The following ADPGK variants were observed in gnomAD, a reference collection of about 807,000 sequenced individuals.
ADPGK encodes the protein ADP dependent glucokinase.
A neutral mutation model predicts 42.4 loss-of-function variants in ADPGK; 26 were observed. That is an observed-to-expected ratio of 0.61 (90% CI 0.45 to 0.85). The LOEUF is 0.85. ADPGK is among the 40% of genes least tolerant of loss of function. The probability of loss-of-function intolerance (pLI) is 0.00; values close to 1 mark genes in which losing one functional copy is unlikely to be tolerated. For missense variants in ADPGK, 571 were observed against 627.0 expected, an observed-to-expected ratio of 0.91 and a Z score of 0.95; for synonymous variants, 267 against 252.6, an observed-to-expected ratio of 1.06 and a Z score of -0.54.
rs962470127 is a variant in ADPGK at position 72,783,480 on chromosome 15, C to T, written c.212G>A (p.Arg71His). 9.9e-6 allele frequency: 14 copies of T among 1,409,332 alleles called. No homozygotes were observed. Among genetic ancestry groups the T allele is most frequent in the African/African-American group, 1.5e-5 (1 of 66,608 alleles). 87.3% of individuals were successfully genotyped at this position (1,409,332 alleles called of 1,614,324 possible). Reference protein sequence around the residue: ...WDALIVRPVRRWRRVAVGVNA... With the variant: ...WDALIVRPVRHWRRVAVGVNA... ...TCACCCCACTGCCACGCGGCGCCAG[C>T]GCCGGACTGGCCGCACGATAAGCGC... Residue 71 changes from arginine to histidine, a missense_variant, in exon 1 of 7, where the codon CGC (arginine) becomes CAC (histidine). Transcript: ENST00000456471.
intron 3 of ADPGK, among the ~76,000 whole-genome samples, chr15:72,761,660 T>G (rs1023984599): frequency 6.6e-6 from 1 of 152,016 alleles, no homozygotes; most frequent in Admixed American, 6.6e-5. Flanking sequence ...GCACTGAGAT[T>G]TAAAGGAAAG....
At chr15:72,765,220 C>A (rs1166011658) in intron 3 of ADPGK, among the ~76,000 whole-genome samples, 2 of 152,184 alleles carry the variant, frequency 1.3e-5, no homozygotes, top group Non-Finnish European at 2.9e-5. Context: ...ACGATCTCAG[C>A]CCACTGCAAT....
intron 1 of ADPGK, among the ~76,000 whole-genome samples, chr15:72,780,764 G>C (rs2066447925): frequency 6.6e-6 from 1 of 152,238 alleles, no homozygotes; most frequent in South Asian, 2.1e-4. Context: ...GGGTGACAGA[G>C]TGAGATGCTG....
In ADPGK at chr15:72,783,337, G is replaced by A. The variant is rs185874212; in HGVS notation, c.233+122C>T. On this transcript the variant is annotated intron_variant, in intron 1 of 6. Coordinates refer to ENST00000456471, the MANE Select transcript of ADPGK (RefSeq NM_001365225.1). Reference sequence around the variant, plus strand: ...TCAGACGTCCGACACTTCTCGCCAAGGGGCCAGCGCGGACAGCAGCGCCTC... The same window carrying A: ...TCAGACGTCCGACACTTCTCGCCAAAGGGCCAGCGCGGACAGCAGCGCCTC... The A allele has an allele frequency of 1.2e-5, 16 of 1,282,674 alleles. No homozygotes were observed. In the African/African-American group the frequency reaches 1.9e-4, roughly 15 times the overall value. 79.5% of individuals were successfully genotyped at this position (1,282,674 alleles called of 1,614,324 possible).
Position 72,760,497 on chromosome 15 carries a change from G to C in ADPGK, c.553C>G (p.Leu185Val). The change falls in exon 4 of 7, where the codon CTA (leucine) becomes GTA (valine). Residue 185 changes from leucine to valine, a missense_variant. Physicochemically the swap from Leu to Val is conservative, Grantham distance 32. This residue lies in a region of ADPGK where 434 missense variants were observed against 522.7 expected (regional missense o/e 0.83). Coordinates refer to ENST00000456471, the MANE Select transcript of ADPGK (RefSeq NM_001365225.1). ...VLLCGPVGPK[L>V]HELLDDNVFV... ...ACATTGTCATCAAGAAGCTCATGTA[G>C]CTTTGGACCAACTGGACCGCAAAGA... 6.2e-7 allele frequency: 1 copy of C among 1,608,004 alleles called. No homozygotes were observed. Among genetic ancestry groups the C allele is most frequent in the Non-Finnish European group, 8.5e-7 (1 of 1,175,074 alleles).
Position 72,775,088 on chromosome 15 carries a change from T to C in ADPGK, c.243A>G (p.Ala81=), listed in dbSNP as rs2066374777. Residue 81 remains alanine, a synonymous_variant, in exon 2 of 7, where the codon GCA becomes GCG. Coordinates refer to ENST00000456471, the MANE Select transcript of ADPGK (RefSeq NM_001365225.1). ...CCCCTGAGAGCACCACATCAACACA[T>C]GCATTGACTCTAGAAGGAGGAAAAA... ...RWRRVAVGVN[A]CVDVVLSGVK... 3 of 1,613,772 alleles carry C rather than the reference T, an allele frequency of 1.9e-6. No homozygotes were observed. Among genetic ancestry groups the C allele is most frequent in the Non-Finnish European group, 2.5e-6 (3 of 1,179,898 alleles).
intron 2 of ADPGK, 44 bp from the exon 3 acceptor site, chr15:72,771,889 T>G (rs374481468): frequency 1.4e-6 from 2 of 1,436,402 alleles, no homozygotes; most frequent in African/African-American, 1.4e-5. Flanking sequence ...TTAATACAAC[T>G]ATATCACCCA....
Position 72,783,668 on chromosome 15 carries a change from C to A in ADPGK, c.24G>T (p.Ala8=), listed in dbSNP as rs1276672509. The change falls in exon 1 of 7, where the codon GCG becomes GCT. Residue 8 remains alanine (A), a synonymous_variant. Transcript: ENST00000456471. The part of the protein sequence containing the change: MALWRGS[A]YAGFLALAVG... ...CGGCCAGCGCCAGGAAGCCCGCGTA[C>A]GCGGAGCCGCGCCACAGCGCCATGG... The A allele has an allele frequency of 1.3e-6, 2 of 1,503,154 alleles. No individual in the cohort carries two copies. Among genetic ancestry groups the A allele is most frequent in the Admixed American group, 2.1e-5 (1 of 47,380 alleles). 93.1% of individuals were successfully genotyped at this position (1,503,154 alleles called of 1,614,324 possible).
intron 6 of ADPGK, among the ~76,000 whole-genome samples, chr15:72,753,686 T>G (rs1326453682): frequency 6.6e-6 from 1 of 152,230 alleles, no homozygotes; most frequent in Non-Finnish European, 1.5e-5. Flanking sequence ...TGTTCTTCTG[T>G]GTCAGGCACT....
intron 1 of ADPGK, 50 bp from the exon 2 acceptor site, chr15:72,775,147 C>A: frequency 6.7e-7 from 1 of 1,489,746 alleles, no homozygotes; most frequent in Non-Finnish European, 9.3e-7. Flanking sequence ...ACCAAGTAGC[C>A]ATTTTGCATT....
intron 1 of ADPGK, among the ~76,000 whole-genome samples, chr15:72,779,479 A>C (rs1024911533): frequency 2.0e-5 from 3 of 152,018 alleles, no homozygotes; most frequent in African/African-American, 7.3e-5. Flanking sequence ...TCCTGACCTC[A>C]GGTGATCCAC....
Position 72,783,578 on chromosome 15 carries a change from C to G in ADPGK, c.114G>C (p.Ser38=), listed in dbSNP as rs1385238134. 6.6e-7 allele frequency: 1 copy of G among 1,512,296 alleles called. No homozygotes were observed. The highest frequency in any genetic ancestry group is 2.0e-5 in the Admixed American group (1 of 48,954). 93.7% of individuals were successfully genotyped at this position (1,512,296 alleles called of 1,614,324 possible). ...PGSALRSLWS[S]LCLGPAPAPP... is the part of the protein sequence containing the mutation. ...GCGCAGGCGCGGGCCCCAGACACAG[C>G]GAGCTCCAGAGAGAGCGCAGCGCCG... Residue 38 remains serine (S), a synonymous_variant, in exon 1 of 7, where the codon TCG becomes TCC. Coordinates refer to ENST00000456471, the MANE Select transcript of ADPGK (RefSeq NM_001365225.1).
In ADPGK at chr15:72,751,424, T is replaced by TA. The variant is rs2066044277; in HGVS notation, c.*916dup. The TA allele has an allele frequency of 6.6e-6, 1 of 152,608 alleles. No homozygotes were observed. The highest frequency in any genetic ancestry group is 1.5e-5 in the Non-Finnish European group (1 of 68,020). The allele number at this position is 152,608 out of a possible 1,614,324, so 9.5% of individuals were successfully genotyped here. On this transcript the variant is annotated 3_prime_UTR_variant, in exon 7 of 7. Coordinates refer to ENST00000456471, the MANE Select transcript of ADPGK (RefSeq NM_001365225.1). ...AAGAGCACACAGAAGTCTTGATTTA[T>TA]AAAAAAATAAATATATAACATGACA... is the stretch of plus-strand genomic sequence containing the variant.
At chr15:72,768,622 C>T (rs571920812) in intron 3 of ADPGK, among the ~76,000 whole-genome samples, 3 of 151,750 alleles carry the variant, frequency 2.0e-5, no homozygotes, top group Admixed American at 6.6e-5. Flanking sequence ...GAGCTGAGAT[C>T]GCCACCACTG....
intron 4 of ADPGK, chr15:72,757,678 G>A: frequency 5.8e-6 from 1 of 173,912 alleles, no homozygotes; most frequent in South Asian, 1.4e-4. Context: ...TGACCTAAAT[G>A]CCCATGACAA....
At chr15:72,762,488 A>G (rs577244281) in intron 3 of ADPGK, among the ~76,000 whole-genome samples, 1 of 152,200 alleles carries the variant, frequency 6.6e-6, no homozygotes, top group Non-Finnish European at 1.5e-5. Flanking sequence ...TTACAGGCCA[A>G]TTCTGAAAAA....
intron 1 of ADPGK, among the ~76,000 whole-genome samples, chr15:72,778,853 T>A (rs1051545129): frequency 2.0e-5 from 3 of 152,166 alleles, no homozygotes; most frequent in African/African-American, 7.2e-5. Context: ...AGCTCCTGCA[T>A]CTAGATAGAA....
chr15:72,765,371 A>C (rs2066245685), intron 3 of ADPGK, among the ~76,000 whole-genome samples: 1 of 152,120 alleles, frequency 6.6e-6, no homozygotes, highest in Non-Finnish European at 1.5e-5. Context: ...ACTGGTCTCA[A>C]ACTCCCAGCC....
Position 72,752,547 on chromosome 15 carries a change from G to A in ADPGK, c.1288C>T (p.Pro430Ser), listed in dbSNP as rs943996766. The part of the protein sequence containing the change: ...IDTSRVSLRA[P>S]QEFMTSHSEA... ...GAATGGGAAGTCATGAACTCTTGGGGTGCCCTCAGAGACACTCGGCTGGTG... is the reference window on the plus strand; with the variant it reads ...GAATGGGAAGTCATGAACTCTTGGGATGCCCTCAGAGACACTCGGCTGGTG... The change falls in exon 7 of 7, where the codon CCC (proline) becomes TCC (serine). Residue 430 changes from proline (P) to serine (S), a missense_variant. Pro to Ser is a moderately conservative substitution (Grantham distance 74). This residue lies in a region of ADPGK where 434 missense variants were observed against 522.7 expected (regional missense o/e 0.83). Coordinates refer to ENST00000456471, the MANE Select transcript of ADPGK (RefSeq NM_001365225.1). 9.9e-6 allele frequency: 16 copies of A among 1,614,182 alleles called. No homozygotes were observed. The highest frequency in any genetic ancestry group is 1.4e-5 in the Non-Finnish European group (16 of 1,180,042).
Sources: gnomAD v4.1 joint callset for allele counts (sites outside exome capture counted in the v4.1 genomes callset) on GRCh38, gnomAD v4.1.1 for gene constraint, gnomAD v4.1.1 regional missense constraint, MANE v1.5 for transcripts, NCBI Gene and HGNC (gene_info 2026-07-23, HGNC 2026-07-21) for gene names.